MALRD1: variants seen among roughly 807,000 people sequenced by gnomAD.
The protein encoded by MALRD1 is MAM and LDL-receptor class A domain-containing protein 1.
A neutral mutation model predicts 242.1 loss-of-function variants in MALRD1; 247 were observed. The observed-to-expected ratio is 1.02, with a 90% CI of 0.92 to 1.13. The LOEUF (loss-of-function observed/expected upper bound fraction) is 1.13, where lower values mean the gene tolerates loss of function less well. Among genes scored for constraint, MALRD1 ranks in the 50% most tolerant of loss-of-function variants. The pLI is 0.00. For synonymous variants in MALRD1, 995 were observed against 866.6 expected (o/e 1.15, Z -2.60); for missense variants, 2,989 against 2,533.1 (o/e 1.18, Z -3.86).
At chr10:19,229,810 T>C (rs1837971142) in intron 18 of MALRD1, among the ~76,000 whole-genome samples, 1 of 152,166 alleles carries the variant, frequency 6.6e-6, no homozygotes, top group South Asian at 2.1e-4. Context: ...TTTTTTGATG[T>C]ATTCTCTAGA....
intron 18 of MALRD1, among the ~76,000 whole-genome samples, chr10:19,224,109 T>G (rs1203003405): frequency 6.6e-6 from 1 of 152,116 alleles, no homozygotes; most frequent in East Asian, 1.9e-4. Flanking sequence ...TTCTGGATCC[T>G]TGAGGAATTG....
intron 1 of MALRD1, among the ~76,000 whole-genome samples, chr10:19,058,240 C>T (rs1834724421): frequency 6.6e-6 from 1 of 152,146 alleles, no homozygotes; most frequent in African/African-American, 2.4e-5. Flanking sequence ...TCTGTCTGAT[C>T]CTGAAACATC....
chr10:19,185,698 A>C (rs982563730), intron 14 of MALRD1, among the ~76,000 whole-genome samples: 2 of 152,118 alleles, frequency 1.3e-5, no homozygotes, highest in Non-Finnish European at 2.9e-5. Flanking sequence ...CTCAGTATTG[A>C]CCAAGAATAA....
intron 18 of MALRD1, among the ~76,000 whole-genome samples, chr10:19,212,009 T>G (rs1837093404): frequency 6.6e-6 from 1 of 152,184 alleles, no homozygotes; most frequent in African/African-American, 2.4e-5. Flanking sequence ...TTAATGTCAG[T>G]TGAAATAATC....
chr10:19,684,981 C>A (rs1248271118), intron 36 of MALRD1, among the ~76,000 whole-genome samples: 1 of 152,094 alleles, frequency 6.6e-6, no homozygotes, highest in East Asian at 1.9e-4. Context: ...ATCCTATTAA[C>A]AACTCATATT....
At chr10:19,609,790 C>T (rs1838806384) in intron 35 of MALRD1, among the ~76,000 whole-genome samples, 1 of 151,948 alleles carries the variant, frequency 6.6e-6, no homozygotes, top group South Asian at 2.1e-4. Flanking sequence ...TTTTTCTAGT[C>T]ATTTGCAGTA....
chr10:19,106,725 G>T lies in MALRD1; in HGVS notation c.694+2650G>T, dbSNP rs569781245. Among the ~76,000 whole-genome samples the T allele has an allele frequency of 2.6e-5, 4 of 151,836 alleles. No individual in the cohort carries two copies. In the South Asian group the frequency reaches 8.3e-4, roughly 32 times the overall value. On this transcript the variant is annotated intron_variant, in intron 5 of 39. Coordinates refer to ENST00000454679, the MANE Select transcript of MALRD1 (RefSeq NM_001142308.3). ...TTCTAATTCCTTGAAGTACACATTA[G>T]GTTGTTTGAGCTCTTTCTAATATTT...
At chr10:19,673,244 G>A (rs926031415) in intron 36 of MALRD1, among the ~76,000 whole-genome samples, 16 of 151,986 alleles carry the variant, frequency 1.1e-4, no homozygotes, top group African/African-American at 3.6e-4. Flanking sequence ...AAAATTAACC[G>A]GGCATGGTGG....
chr10:19,699,292 G>A (rs1833513693), intron 38 of MALRD1, among the ~76,000 whole-genome samples: 1 of 145,402 alleles, frequency 6.9e-6, no homozygotes, highest in South Asian at 2.3e-4. Context: ...GGAGGGAAAG[G>A]AGGGAAAGGA....
At chr10:19,538,483 G>A (rs1834784584) in intron 32 of MALRD1, among the ~76,000 whole-genome samples, 1 of 152,062 alleles carries the variant, frequency 6.6e-6, no homozygotes, top group Admixed American at 6.5e-5. Context: ...TTAAAATGAT[G>A]GTGGTCACTT....
chr10:19,187,353 T>G (rs1172107610), intron 14 of MALRD1, among the ~76,000 whole-genome samples: 1 of 152,094 alleles, frequency 6.6e-6, no homozygotes, highest in Non-Finnish European at 1.5e-5. Context: ...GCTTTGCAAT[T>G]TCCAAGAGAG....
chr10:19,124,400 T>C, intron 6 of MALRD1, 124 bp from the exon 7 acceptor site: 1 of 884,640 alleles, frequency 1.1e-6, no homozygotes, highest in Non-Finnish European at 1.5e-6. Context: ...CTTGCAGATA[T>C]AAATTAGTGT....
intron 28 of MALRD1, among the ~76,000 whole-genome samples, chr10:19,391,159 G>C (rs1319722294): frequency 6.6e-6 from 1 of 152,140 alleles, no homozygotes; most frequent in African/African-American, 2.4e-5. Context: ...TAGAATTCCT[G>C]TGGTTCCTCT....
rs191956634 is a variant in MALRD1 at position 19,383,377 on chromosome 10, T to C, written c.4442-4151T>C. ...TCCACCCATGTTTCTGCAAATGATA[T>C]AATCTCATTCTATTTTATAGTTGCA... On this transcript the variant is annotated intron_variant, in intron 26 of 39. Coordinates refer to ENST00000454679, the MANE Select transcript of MALRD1 (RefSeq NM_001142308.3). 2.6e-5 allele frequency among the ~76,000 whole-genome samples: 4 copies of C among 152,284 alleles called. No individual in the cohort carries two copies. The East Asian group carries it at 7.7e-4, about 29-fold the overall frequency.
At chr10:19,620,350 G>T (rs1839346118) in intron 36 of MALRD1, among the ~76,000 whole-genome samples, 1 of 151,904 alleles carries the variant, frequency 6.6e-6, no homozygotes, top group Non-Finnish European at 1.5e-5. Context: ...CTCAGTGTTT[G>T]TTGTTCCCTT....
chr10:19,642,844 G>A (rs1397888850), intron 36 of MALRD1, among the ~76,000 whole-genome samples: 1 of 152,132 alleles, frequency 6.6e-6, no homozygotes, highest in Non-Finnish European at 1.5e-5. Context: ...GGAAGAGGGA[G>A]GGCGTGGGAG....
chr10:19,106,064 T>C (rs2131341004), intron 5 of MALRD1, among the ~76,000 whole-genome samples: 1 of 152,028 alleles, frequency 6.6e-6, no homozygotes, highest in Admixed American at 6.5e-5. Context: ...GTTTATTTAT[T>C]CTATGAGTGA....
At chr10:19,677,207 T>C (rs979585864) in intron 36 of MALRD1, among the ~76,000 whole-genome samples, 5 of 152,132 alleles carry the variant, frequency 3.3e-5, no homozygotes, top group Non-Finnish European at 7.4e-5. Context: ...GGTAAAATGG[T>C]ATTTCTGGTT....
At chr10:19,333,188 T>G (rs1340099539) in intron 24 of MALRD1, among the ~76,000 whole-genome samples, 1 of 152,136 alleles carries the variant, frequency 6.6e-6, no homozygotes, top group Admixed American at 6.6e-5. Flanking sequence ...AGTGGTACAT[T>G]TGCAGGTTTC....
Sources: allele counts gnomAD v4.1 joint callset (sites outside exome capture counted in the v4.1 genomes callset), GRCh38; gene constraint gnomAD v4.1.1; transcripts MANE v1.5; gene names NCBI Gene and HGNC (gene_info 2026-07-23, HGNC 2026-07-21).